Variants in CTPS1 observed in about 807,000 individuals in gnomAD.
CTPS1 encodes CTP synthetase 1.
A neutral mutation model predicts 80.5 loss-of-function variants in CTPS1; 25 were observed. The observed-to-expected ratio is 0.31, with a 90% CI of 0.23 to 0.43. CTPS1 has a LOEUF of 0.43. Among genes scored for constraint, CTPS1 ranks in the 20% least tolerant of loss-of-function variants. CTPS1 has a pLI of 1.00. For synonymous variants in CTPS1, 267 were observed against 252.5 expected (o/e 1.06, Z -0.54); for missense variants, 442 against 725.7 (o/e 0.61, Z 4.49).
In CTPS1 at chr1:40,991,318, A is replaced by G. The variant is rs188426095; in HGVS notation, c.639+70A>G. ...AGTTAAGATCACTCTATCATGACAG[A>G]CAAGACCTTTGTCTTGTTGGGTTGC... On this transcript the variant is annotated intron_variant, in intron 6 of 18. Transcript: ENST00000650070. The G allele has an allele frequency of 1.4e-5, 17 of 1,213,412 alleles. No individual in the cohort carries two copies. In the East Asian group the frequency reaches 3.1e-4, roughly 22 times the overall value. 75.2% of individuals were successfully genotyped at this position (1,213,412 alleles called of 1,614,324 possible).
In CTPS1 at chr1:41,010,132, A is replaced by G. The variant is rs746211180; in HGVS notation, c.1692-29A>G. On this transcript the variant is annotated intron_variant, in intron 17 of 18. Transcript: ENST00000650070. The stretch of plus-strand genomic sequence containing the variant: ...ACGTAAAGTGAGTTTTTGGTGGGAG[A>G]TGATGCGTAAACCATCTGAATTCTA... 4.0e-5 allele frequency: 62 copies of G among 1,543,376 alleles called. No individual in the cohort carries two copies. The East Asian group carries it at 1.3e-3, about 33-fold the overall frequency.
chr1:40,993,485 C>T (rs1268258091), intron 7 of CTPS1, among the ~76,000 whole-genome samples: 2 of 152,092 alleles, frequency 1.3e-5, no homozygotes, highest in Non-Finnish European at 2.9e-5. Context: ...GTACCTTAGG[C>T]GGACGCTACC....
At chr1:40,997,639 G>T in intron 9 of CTPS1, 113 bp downstream of exon 9, 1 of 1,300,998 alleles carries the variant, frequency 7.7e-7, no homozygotes, top group Non-Finnish European at 1.0e-6. Flanking sequence ...ACTTTTTAAG[G>T]AATTACTTTT....
intron 11 of CTPS1, 151 bp downstream of exon 11, chr1:41,002,405 T>C (rs566892870): frequency 9.3e-6 from 6 of 647,810 alleles, no homozygotes; most frequent in Non-Finnish European, 1.1e-5. Flanking sequence ...GTTTTCTCTT[T>C]AGAGACAAAT....
chr1:40,992,831 T>G (rs1210254145), intron 7 of CTPS1, among the ~76,000 whole-genome samples: 2 of 151,652 alleles, frequency 1.3e-5, no homozygotes, highest in Non-Finnish European at 2.9e-5. Context: ...GTAGCTTGGA[T>G]TACAGGTGTG....
intron 5 of CTPS1, among the ~76,000 whole-genome samples, chr1:40,989,420 A>G (rs879001990): frequency 6.6e-6 from 1 of 152,202 alleles, no homozygotes; most frequent in Admixed American, 6.5e-5. Context: ...TCCCAGAATC[A>G]TCATGTTTAG....
chr1:40,991,421 G>A (rs1290242569), intron 6 of CTPS1, among the ~76,000 whole-genome samples, 173 bp downstream of exon 6: 1 of 152,168 alleles, frequency 6.6e-6, no homozygotes, highest in Admixed American at 6.5e-5. Context: ...CATACTTAGA[G>A]CGTGTTAGGT....
intron 12 of CTPS1, among the ~76,000 whole-genome samples, chr1:41,004,616 A>G (rs1234341366): frequency 6.6e-6 from 1 of 152,182 alleles, no homozygotes; most frequent in East Asian, 1.9e-4. Flanking sequence ...AGTACCAGGA[A>G]CTTGGTCCTT....
rs1558149867 is a variant in CTPS1 at position 40,995,901 on chromosome 1, GC to G, written c.721-15del. 1 of 1,604,944 alleles carries G rather than the reference GC, an allele frequency of 6.2e-7. No individual in the cohort carries two copies. The highest frequency in any genetic ancestry group is 8.5e-7 in the Non-Finnish European group (1 of 1,174,088). ...AGTTTTTGCTTTTATTTAATAACTT[GC>G]TTTTTTCTAAACAGGTGATCTGTGT... On this transcript the variant is annotated splice_polypyrimidine_tract_variant and intron_variant, in intron 7 of 18. Transcript: ENST00000650070.
chr1:40,991,039 A>C (rs1048535526), intron 5 of CTPS1, 126 bp from the exon 6 acceptor site: 4 of 701,380 alleles, frequency 5.7e-6, no homozygotes, highest in East Asian at 5.7e-5. Context: ...ACAAACATAA[A>C]AGCTAAATTA....
chr1:40,993,249 C>T (rs1642662734), intron 7 of CTPS1, among the ~76,000 whole-genome samples: 1 of 151,276 alleles, frequency 6.6e-6, no homozygotes, highest in Non-Finnish European at 1.5e-5. Flanking sequence ...TGGTGTTTTG[C>T]CATGCGGGCC....
chr1:41,011,088 G>A (rs1174629789), intron 18 of CTPS1, among the ~76,000 whole-genome samples: 1 of 152,174 alleles, frequency 6.6e-6, no homozygotes, highest in Non-Finnish European at 1.5e-5. Flanking sequence ...TGGGCCTCTG[G>A]TGCTGGGTCA....
At chr1:41,008,623 T>G in intron 14 of CTPS1, 36 bp from the exon 15 acceptor site, 2 of 1,609,546 alleles carry the variant, frequency 1.2e-6, no homozygotes, top group Non-Finnish European at 1.7e-6. Flanking sequence ...TCCTGTGAGA[T>G]AAAGTTCTTT....
chr1:41,010,510 T>G (rs1042396614), intron 18 of CTPS1, among the ~76,000 whole-genome samples: 1 of 152,176 alleles, frequency 6.6e-6, no homozygotes, highest in Non-Finnish European at 1.5e-5. Flanking sequence ...GGGAGCATGG[T>G]CACTGGGCAG....
intron 12 of CTPS1, among the ~76,000 whole-genome samples, chr1:41,004,804 CAGAG>C (rs1470068528): frequency 1.3e-5 from 2 of 152,124 alleles, no homozygotes; most frequent in African/African-American, 4.8e-5. Context: ...TTGTTTATCT[CAGAG>C]AGACAAGAGT....
chr1:40,980,055 G>A (rs1243990349), intron 1 of CTPS1: 2 of 151,238 alleles, frequency 1.3e-5, no homozygotes, highest in Admixed American at 6.6e-5. Flanking sequence ...CGGGCCTCGT[G>A]GCCGGGCGGC....
At chr1:41,006,520 G>T (rs1643038636) in intron 13 of CTPS1, among the ~76,000 whole-genome samples, 1 of 152,174 alleles carries the variant, frequency 6.6e-6, no homozygotes, top group African/African-American at 2.4e-5. Flanking sequence ...GAGAACTGCT[G>T]GGTTGGAGCA....
Position 40,996,085 on chromosome 1 carries a change from G to C in CTPS1, c.872+17G>C, listed in dbSNP as rs758216700. 4 of 1,613,860 alleles carry C rather than the reference G, an allele frequency of 2.5e-6. No homozygotes were observed. The highest frequency in any genetic ancestry group is 2.5e-6 in the Non-Finnish European group (3 of 1,179,928). On this transcript the variant is annotated intron_variant, in intron 8 of 18. Coordinates refer to ENST00000650070, the MANE Select transcript of CTPS1 (RefSeq NM_001905.4). ...GGCTGACAGGTTTGCCTGCAATGAGGAGCTGGGAGTGCTAGCCTCCTTTAC... is the reference window on the plus strand; with the variant it reads ...GGCTGACAGGTTTGCCTGCAATGAGCAGCTGGGAGTGCTAGCCTCCTTTAC...
chr1:40,996,192 C>G lies in CTPS1; in HGVS notation c.872+124C>G, dbSNP rs551521333. On this transcript the variant is annotated intron_variant, in intron 8 of 18. Transcript: ENST00000650070. ...TTCTGCCATCCACTCATTAGAAGAG[C>G]CTTTGTAGTAAGAGATGTTCAGAAA... 23 of 1,021,064 alleles carry G rather than the reference C, an allele frequency of 2.3e-5. No homozygotes were observed. The African/African-American group carries it at 3.4e-4, about 15-fold the overall frequency. 63.3% of individuals were successfully genotyped at this position (1,021,064 alleles called of 1,614,324 possible). A position where few individuals can be genotyped will look rare whatever the true frequency, so the allele number is the denominator to read the frequency against.
Sources: gnomAD v4.1 joint callset for allele counts (sites outside exome capture counted in the v4.1 genomes callset) on GRCh38, gnomAD v4.1.1 for gene constraint, MANE v1.5 for transcripts, NCBI Gene and HGNC (gene_info 2026-07-23, HGNC 2026-07-21) for gene names.